The following GPR155 variants were observed in gnomAD, a reference collection of about 807,000 sequenced individuals.
GPR155 encodes the protein G protein-coupled receptor 155.
Under a neutral mutation model 93.1 loss-of-function variants are expected in GPR155, and 65 were observed. The ratio of observed to expected loss-of-function variants is 0.70; its 90% confidence interval spans 0.57 to 0.86. The LOEUF is 0.86. GPR155 is among the 40% of genes least tolerant of loss of function. The pLI is 0.00. For synonymous variants in GPR155, 319 were observed against 360.1 expected (o/e 0.89, Z 1.29); for missense variants, 838 against 1,034.8 (o/e 0.81, Z 2.61).
chr2:174,437,210 T>C (rs1469273198), intron 15 of GPR155, among the ~76,000 whole-genome samples: 2 of 152,172 alleles, frequency 1.3e-5, no homozygotes, highest in Non-Finnish European at 2.9e-5. Flanking sequence ...AAATACACTA[T>C]AGATAGACAA....
intron 2 of GPR155, among the ~76,000 whole-genome samples, chr2:174,477,953 T>C (rs913512475): frequency 1.3e-5 from 2 of 152,182 alleles, no homozygotes; most frequent in Non-Finnish European, 2.9e-5. Flanking sequence ...ATCATTCTAT[T>C]ATGTAATGGC....
At chr2:174,485,567 A>G (rs1284972804) in intron 1 of GPR155, among the ~76,000 whole-genome samples, 2 of 151,374 alleles carry the variant, frequency 1.3e-5, no homozygotes, top group Non-Finnish European at 2.9e-5. Flanking sequence ...ATTGCCCTCC[A>G]GCCTGAGCAA....
intron 2 of GPR155, 60 bp from the exon 3 acceptor site, chr2:174,473,424 G>T: frequency 9.2e-7 from 1 of 1,092,378 alleles, no homozygotes; most frequent in Non-Finnish European, 1.3e-6. Context: ...TATATGTTAT[G>T]TATATAACAT....
intron 1 of GPR155, among the ~76,000 whole-genome samples, chr2:174,483,341 C>T (rs1488250473): frequency 6.6e-6 from 1 of 151,744 alleles, no homozygotes. Context: ...AGCAACAGAA[C>T]CAAGAACACA....
intron 10 of GPR155, among the ~76,000 whole-genome samples, chr2:174,454,206 C>T (rs961903351): frequency 2.0e-4 from 31 of 152,172 alleles, no homozygotes; most frequent in African/African-American, 6.5e-4. Context: ...GGCGCAATCT[C>T]GGCTCACTGC....
Position 174,432,394 on chromosome 2 carries a change from A to C in GPR155, c.*3722T>G, listed in dbSNP as rs899744453. The C allele has an allele frequency of 2.0e-5, 3 of 152,636 alleles. No individual in the cohort carries two copies. The highest frequency in any genetic ancestry group is 7.2e-5 in the African/African-American group (3 of 41,458). The allele number at this position is 152,636 out of a possible 1,614,324, so 9.5% of individuals were successfully genotyped here. On this transcript the variant is annotated 3_prime_UTR_variant, in exon 16 of 16. Transcript: ENST00000392552. ...CTGAAACTGCAGATCATTCTGATCC[A>C]GGGTTTTCTTTTAGGGTCTCCCATG...
Position 174,461,621 on chromosome 2 carries a change from A to G in GPR155, c.1436T>C (p.Ile479Thr). The G allele has an allele frequency of 6.2e-7, 1 of 1,612,002 alleles. No homozygotes were observed. Among genetic ancestry groups the G allele is most frequent in the Non-Finnish European group, 8.5e-7 (1 of 1,178,090 alleles). The change falls in exon 8 of 16, where the codon ATT (isoleucine) becomes ACT (threonine). Residue 479 changes from isoleucine (I) to threonine (T), a missense_variant. Physicochemically the swap from Ile to Thr is moderately conservative, Grantham distance 89 (BLOSUM62 -1). Transcript: ENST00000392552. Reference sequence around the variant, plus strand: ...AGATATTATGATTATTCCAACAGGAATTTGTACCCTCTCTCGCTTTTTCAA... The same window carrying G: ...AGATATTATGATTATTCCAACAGGAGTTTGTACCCTCTCTCGCTTTTTCAA... The part of the protein sequence containing the change: ...FLLKKRERVQ[I>T]PVGIIIISGW...
intron 12 of GPR155, 117 bp from the exon 13 acceptor site, chr2:174,445,293 GA>G: frequency 1.6e-6 from 1 of 615,652 alleles, no homozygotes; most frequent in Non-Finnish European, 2.9e-6. Context: ...AGACTAGACG[GA>G]AAAACACTGA....
intron 15 of GPR155, among the ~76,000 whole-genome samples, chr2:174,438,277 G>A (rs1686850762): frequency 6.6e-6 from 1 of 152,022 alleles, no homozygotes. Flanking sequence ...GCTGTACAAA[G>A]TGGCAGAGAA....
At chr2:174,439,291 T>G (rs1402224793) in intron 15 of GPR155, among the ~76,000 whole-genome samples, 1 of 152,190 alleles carries the variant, frequency 6.6e-6, no homozygotes, top group Non-Finnish European at 1.5e-5. Context: ...ACTGGTAGTA[T>G]AGTATTTATT....
intron 1 of GPR155, among the ~76,000 whole-genome samples, chr2:174,483,960 G>A (rs541843131): frequency 6.6e-6 from 1 of 152,226 alleles, no homozygotes; most frequent in South Asian, 2.1e-4. Flanking sequence ...AAAGTAAAAA[G>A]CTCATGCTTC....
chr2:174,460,126 C>A (rs1574717152), intron 9 of GPR155, 38 bp from the exon 10 acceptor site: 19 of 1,152,694 alleles, frequency 1.6e-5, no homozygotes, highest in East Asian at 5.0e-5. Flanking sequence ...CCACTTTTCA[C>A]AACTTCATCT....
intron 4 of GPR155, 136 bp downstream of exon 4, chr2:174,470,253 GC>G (rs1687953060): frequency 2.9e-6 from 2 of 693,250 alleles, no homozygotes; most frequent in South Asian, 4.2e-5. Context: ...TTTGAAACCA[GC>G]CTGGGGCAAC....
Position 174,473,357 on chromosome 2 carries a change from A to G in GPR155, c.468T>C (p.Ala156=). 1 of 1,567,786 alleles carries G rather than the reference A, an allele frequency of 6.4e-7. No homozygotes were observed. Among genetic ancestry groups the G allele is most frequent in the Non-Finnish European group, 8.6e-7 (1 of 1,157,060 alleles). ...DFALGYPIVE[A]LYQTTYPEYL... ...ATTCTGGGTATGTAGTTTGATATAA[A>G]GCTTCAACTGCAAAACAAGAATATT... The change falls in exon 3 of 16, where the codon GCT becomes GCC. Residue 156 remains alanine, a synonymous_variant. Transcript: ENST00000392552.
chr2:174,444,692 C>T (rs955637455), intron 13 of GPR155, among the ~76,000 whole-genome samples: 3 of 151,826 alleles, frequency 2.0e-5, no homozygotes, highest in Non-Finnish European at 2.9e-5. Flanking sequence ...GATGGGGTTT[C>T]ACCATGTTGG....
intron 11 of GPR155, among the ~76,000 whole-genome samples, chr2:174,449,116 G>A (rs932993431): frequency 3.3e-5 from 5 of 152,010 alleles, no homozygotes; most frequent in Admixed American, 1.3e-4. Context: ...CATACAAGCG[G>A]CCAACAAACA....
intron 1 of GPR155, among the ~76,000 whole-genome samples, chr2:174,486,177 T>A (rs895334849): frequency 6.6e-6 from 1 of 152,202 alleles, no homozygotes; most frequent in Non-Finnish European, 1.5e-5. Context: ...CACCCACTCC[T>A]ACCTACTTGC....
intron 15 of GPR155, among the ~76,000 whole-genome samples, chr2:174,436,660 CA>C (rs1197072884): frequency 6.6e-6 from 1 of 151,838 alleles, no homozygotes; most frequent in South Asian, 2.1e-4. Flanking sequence ...TAAACAATAC[CA>C]AAAAAAGTCA....
At chr2:174,474,487 T>C (rs527664442) in intron 2 of GPR155, among the ~76,000 whole-genome samples, 17 of 152,280 alleles carry the variant, frequency 1.1e-4, no homozygotes, top group African/African-American at 4.1e-4. Context: ...AACCATACCC[T>C]CTTGGGAAAA....
Sources: allele counts gnomAD v4.1 joint callset (sites outside exome capture counted in the v4.1 genomes callset), GRCh38; gene constraint gnomAD v4.1.1; transcripts MANE v1.5; gene names NCBI Gene and HGNC (gene_info 2026-07-23, HGNC 2026-07-21).